NAV3: variants seen among roughly 807,000 people sequenced by gnomAD.
NAV3 encodes the protein pore membrane and/or filament interacting like protein 1.
In NAV3, 87 loss-of-function variants were observed where a neutral mutation model predicts 244.7. The ratio of observed to expected loss-of-function variants is 0.36; its 90% CI spans 0.30 to 0.42. NAV3 has a LOEUF of 0.42. Among genes scored for constraint, NAV3 ranks in the 20% least tolerant of loss-of-function variants. NAV3 has a pLI of 1.00. For missense variants in NAV3, 2,663 were observed against 2,893.3 expected, an observed-to-expected ratio of 0.92 and a Z score of 1.83; for synonymous variants, 1,126 against 1,042.2, an observed-to-expected ratio of 1.08 and a Z score of -1.55.
chr12:77,630,999 G>A (rs1222220909), intron 2 of NAV3, among the ~76,000 whole-genome samples: 1 of 152,072 alleles, frequency 6.6e-6, no homozygotes, highest in African/African-American at 2.4e-5. Flanking sequence ...CTTCTATTCT[G>A]TTCAATTAAC....
intron 3 of NAV3, among the ~76,000 whole-genome samples, chr12:77,945,464 G>A (rs1303759821): frequency 6.6e-6 from 1 of 152,102 alleles, no homozygotes; most frequent in Non-Finnish European, 1.5e-5. Context: ...AAGGATTATG[G>A]CCGGAACAGG....
intron 2 of NAV3, among the ~76,000 whole-genome samples, chr12:77,790,141 C>T (rs1871120236): frequency 6.6e-6 from 1 of 152,220 alleles, no homozygotes; most frequent in African/African-American, 2.4e-5. Context: ...ATAAGCCTCT[C>T]AGTGCCCCTA....
intron 9 of NAV3, among the ~76,000 whole-genome samples, chr12:78,027,272 A>T (rs932076172): frequency 1.4e-5 from 2 of 145,842 alleles, no homozygotes; most frequent in African/African-American, 5.0e-5. Flanking sequence ...CCTGTCTCTA[A>T]AAAAAAAAAA....
intron 28 of NAV3, among the ~76,000 whole-genome samples, chr12:78,178,085 C>T (rs1958324611): frequency 6.6e-6 from 1 of 150,712 alleles, no homozygotes; most frequent in Non-Finnish European, 1.5e-5. Context: ...TGATTAACAG[C>T]AATAATAGAA....
At chr12:77,688,951 A>G (rs1419973096) in intron 2 of NAV3, among the ~76,000 whole-genome samples, 1 of 151,950 alleles carries the variant, frequency 6.6e-6, no homozygotes, top group African/African-American at 2.4e-5. Flanking sequence ...CCAAATTTAC[A>G]TAGTTTTATA....
At chr12:78,020,418 A>G (rs1326049308) in intron 8 of NAV3, among the ~76,000 whole-genome samples, 3 of 152,128 alleles carry the variant, frequency 2.0e-5, no homozygotes, top group African/African-American at 7.2e-5. Context: ...TTCTTTCTAA[A>G]TTTGTTTATG....
At position 78,211,579 on chromosome 12, in the gene NAV3, C is replaced by G. The variant is rs1312762806; in HGVS notation, c.*1062C>G. ...AATATTAAAATAACCCAGAAATGCT[C>G]TTTGACCGTCACTTAAAACCTAAGA... On this transcript the variant is annotated 3_prime_UTR_variant, in exon 40 of 40. Coordinates refer to ENST00000397909, the MANE Select transcript of NAV3 (RefSeq NM_001024383.2). 6.6e-6 allele frequency: 1 copy of G among 151,816 alleles called. No individual in the cohort carries two copies. The highest frequency in any genetic ancestry group is 2.4e-5 in the African/African-American group (1 of 41,218). The allele number at this position is 151,816 out of a possible 1,614,324, so 9.4% of individuals were successfully genotyped here. A position where few individuals can be genotyped will look rare whatever the true frequency, so the allele number is the denominator to read the frequency against.
At chr12:77,926,232 T>C (rs1888202784) in intron 1 of NAV3, among the ~76,000 whole-genome samples, 1 of 152,148 alleles carries the variant, frequency 6.6e-6, no homozygotes, top group South Asian at 2.1e-4. Context: ...CTAAATTAAT[T>C]AATTAATTAA....
intron 2 of NAV3, among the ~76,000 whole-genome samples, chr12:77,666,288 C>T (rs936073561): frequency 2.1e-5 from 3 of 143,282 alleles, no homozygotes; most frequent in African/African-American, 7.7e-5. Context: ...ATCTTGATTT[C>T]ATTAACTTGT....
rs1335270144 is a variant in NAV3 at position 78,179,774 on chromosome 12, T to C, written c.5517+92T>C. On this transcript the variant is annotated intron_variant, in intron 29 of 39. Transcript: ENST00000397909. ...TTGGTTAACACAGAATAAATTCCAC[T>C]TGGAAACCCACCTTAGAAATGTACT... 26 of 1,365,928 alleles carry C rather than the reference T, an allele frequency of 1.9e-5. No homozygotes were observed. The South Asian group carries it at 2.3e-4, about 12-fold the overall frequency. 84.6% of individuals were successfully genotyped at this position (1,365,928 alleles called of 1,614,324 possible). A position where few individuals can be genotyped will look rare whatever the true frequency, so the allele number is the denominator to read the frequency against.
chr12:77,612,271 A>G (rs1159460851), intron 2 of NAV3, among the ~76,000 whole-genome samples: 1 of 152,150 alleles, frequency 6.6e-6, no homozygotes, highest in East Asian at 1.9e-4. Flanking sequence ...GTTCTCATAA[A>G]TGTCTCCAAT....
chr12:78,054,203 T>C (rs1883160748), intron 11 of NAV3, among the ~76,000 whole-genome samples: 1 of 152,154 alleles, frequency 6.6e-6, no homozygotes, highest in African/African-American at 2.4e-5. Flanking sequence ...ATATTTAAAA[T>C]ACATATATAA....
intron 2 of NAV3, among the ~76,000 whole-genome samples, chr12:77,577,296 C>A (rs537549292): frequency 2.8e-4 from 43 of 152,234 alleles, no homozygotes; most frequent in African/African-American, 9.9e-4. Context: ...GACTCTTTTT[C>A]CACTCAGAAG....
At chr12:78,184,364 G>A (rs1958623427) in intron 30 of NAV3, among the ~76,000 whole-genome samples, 1 of 151,716 alleles carries the variant, frequency 6.6e-6, no homozygotes, top group African/African-American at 2.4e-5. Flanking sequence ...TTCTTAAAAA[G>A]GAGCAAGATA....
chr12:77,879,435 A>T (rs1882310297), intron 1 of NAV3, among the ~76,000 whole-genome samples: 2 of 152,118 alleles, frequency 1.3e-5, no homozygotes, highest in South Asian at 4.1e-4. Context: ...TGGGAGGTCC[A>T]GGCAGGTGGA....
intron 2 of NAV3, among the ~76,000 whole-genome samples, chr12:77,627,078 A>G (rs1871663420): frequency 6.6e-6 from 1 of 152,176 alleles, no homozygotes; most frequent in Non-Finnish European, 1.5e-5. Context: ...TCTCAATTAA[A>G]AGATATGGAC....
At chr12:77,675,443 G>A (rs563047862) in intron 2 of NAV3, among the ~76,000 whole-genome samples, 11 of 152,194 alleles carry the variant, frequency 7.2e-5, no homozygotes, top group South Asian at 2.1e-4. Flanking sequence ...AGGCCCACCC[G>A]GAATAGCAAG....
At chr12:77,987,407 C>A (rs1257720470) in intron 5 of NAV3, among the ~76,000 whole-genome samples, 1 of 152,094 alleles carries the variant, frequency 6.6e-6, no homozygotes. Flanking sequence ...TATAGTATAA[C>A]CTTTGCAGGA....
intron 2 of NAV3, among the ~76,000 whole-genome samples, chr12:77,633,509 A>G (rs569325932): frequency 7.9e-5 from 12 of 152,276 alleles, no homozygotes; most frequent in African/African-American, 2.6e-4. Context: ...TATTTATTAA[A>G]GAACTGTATA....
Sources: allele counts gnomAD v4.1 joint callset (sites outside exome capture counted in the v4.1 genomes callset), GRCh38; gene constraint gnomAD v4.1.1; transcripts MANE v1.5; gene names NCBI Gene and HGNC (gene_info 2026-07-23, HGNC 2026-07-21).